Variants in LUZP1 observed in about 807,000 individuals in gnomAD.
LUZP1 encodes the protein leucine zipper protein 1, also known as filamin mechanobinding actin cross-linking protein.
Under a neutral mutation model 71.3 loss-of-function variants are expected in LUZP1, and 25 were observed. That is an observed-to-expected ratio of 0.35 (90% CI 0.26 to 0.49). The LOEUF (loss-of-function observed/expected upper bound fraction) is 0.49, where lower values mean the gene tolerates loss of function less well. Among genes scored for constraint, LUZP1 ranks in the 20% least tolerant of loss-of-function variants. The pLI is 0.99. For missense variants in LUZP1, 1,142 were observed against 1,300.8 expected (o/e 0.88, Z 1.88); for synonymous variants, 481 against 506.4 (o/e 0.95, Z 0.67).
chr1:23,143,058 G>A (rs1236537791), intron 2 of LUZP1, among the ~76,000 whole-genome samples: 3 of 151,764 alleles, frequency 2.0e-5, no homozygotes, highest in African/African-American at 4.8e-5. Context: ...GTCCGGGGTG[G>A]AGTGCAGTGG....
intron 2 of LUZP1, among the ~76,000 whole-genome samples, chr1:23,143,072 G>A (rs1225225160): frequency 6.6e-6 from 1 of 151,828 alleles, no homozygotes; most frequent in Non-Finnish European, 1.5e-5. Flanking sequence ...GCAGTGGCAT[G>A]ATCTCCACTC....
At chr1:23,092,128 C>T (rs1470155704) in exon 4 of LUZP1, 4 of 1,614,048 alleles carry the variant, frequency 2.5e-6, no homozygotes, top group Non-Finnish European at 2.5e-6. Flanking sequence ...TTCTCCATTC[C>T]AGCATCTTTA....
exon 4 of LUZP1, chr1:23,092,766 C>T: frequency 6.2e-7 from 1 of 1,613,996 alleles, no homozygotes; most frequent in South Asian, 1.1e-5. Context: ...TCCCTTCAGT[C>T]CGCTCTCGGT....
At chr1:23,112,020 G>A (rs942302608) in intron 2 of LUZP1, among the ~76,000 whole-genome samples, 1 of 152,180 alleles carries the variant, frequency 6.6e-6, no homozygotes, top group South Asian at 2.1e-4. Flanking sequence ...AGGCCCAGGG[G>A]CTTTTCTCTT....
rs1332098246 is a variant in LUZP1 at position 23,094,326 on chromosome 1, T to C, written c.-65A>G. 2 of 1,512,156 alleles carry C rather than the reference T, an allele frequency of 1.3e-6. No individual in the cohort carries two copies. The highest frequency in any genetic ancestry group is 1.8e-6 in the Non-Finnish European group (2 of 1,134,180). The allele number at this position is 1,512,156 out of a possible 1,614,324, so 93.7% of individuals were successfully genotyped here. ...TTCCACTCAAGGGGATGAGAAATGG[T>C]TACCTTTCTCTTGGCAACCACAATC... On this transcript the variant is annotated 5_prime_UTR_variant, in exon 4 of 5. An upstream open reading frame in the 5' UTR loses its in-frame stop. Transcript: ENST00000302291. This position sits in a 1 kb window ranked among gnomAD's most constrained non-coding sequence, Gnocchi z 4.7.
intron 2 of LUZP1, among the ~76,000 whole-genome samples, chr1:23,159,425 G>C (rs998247782): frequency 1.3e-5 from 2 of 152,098 alleles, no homozygotes; most frequent in Non-Finnish European, 2.9e-5. Flanking sequence ...TCACTAACTG[G>C]CATTCTTTTA....
Position 23,110,628 on chromosome 1 carries a change from GCACACATACA to G in LUZP1, c.-225-1511_-225-1502del, listed in dbSNP as rs1204818623. Among the ~76,000 whole-genome samples, 66 of 49,026 alleles carry G rather than the reference GCACACATACA, an allele frequency of 1.3e-3. 1 individual carries two copies. Among genetic ancestry groups the G allele is most frequent in the African/African-American group, 2.5e-3 (42 of 16,580 alleles). The allele number at this position is 49,026 out of a possible 152,430, so 32.2% of individuals were successfully genotyped here. On this transcript the variant is annotated intron_variant, in intron 2 of 4. Coordinates refer to ENST00000302291, the Ensembl canonical transcript of LUZP1. ...TGCACCTGCGCGCATGCATGAACGCGCACACATACACACACACACACACACACACACACAC... is the reference window on the plus strand; with the variant it reads ...TGCACCTGCGCGCATGCATGAACGCGCACACACACACACACACACACACAC...
chr1:23,160,019 C>T (rs1644451989), intron 2 of LUZP1, among the ~76,000 whole-genome samples: 1 of 152,152 alleles, frequency 6.6e-6, no homozygotes, highest in Non-Finnish European at 1.5e-5. Flanking sequence ...CCAATTACTA[C>T]ATTACCCTGT....
At chr1:23,174,532 A>G (rs1295115932) in intron 1 of LUZP1, among the ~76,000 whole-genome samples, 1 of 152,210 alleles carries the variant, frequency 6.6e-6, no homozygotes, top group Non-Finnish European at 1.5e-5. Flanking sequence ...ACACTGTCCT[A>G]TGCCCCCTCC....
intron 2 of LUZP1, among the ~76,000 whole-genome samples, chr1:23,114,854 T>G (rs749279926): frequency 2.0e-5 from 3 of 152,230 alleles, no homozygotes; most frequent in African/African-American, 4.8e-5. Flanking sequence ...TTTTACACTT[T>G]CTGGGTCTCA....
chr1:23,161,793 G>C (rs770759357), intron 2 of LUZP1, among the ~76,000 whole-genome samples: 1 of 152,124 alleles, frequency 6.6e-6, no homozygotes, highest in African/African-American at 2.4e-5. Context: ...GGAGGCTGAG[G>C]TGAGTGGATC....
chr1:23,105,162 T>C (rs770482693), intron 3 of LUZP1, among the ~76,000 whole-genome samples: 1 of 152,112 alleles, frequency 6.6e-6, no homozygotes, highest in Admixed American at 6.5e-5. Flanking sequence ...ATTGTAATAG[T>C]CAAGGCAAGA....
intron 2 of LUZP1, among the ~76,000 whole-genome samples, chr1:23,151,512 G>A (rs1328473681): frequency 6.6e-6 from 1 of 152,170 alleles, no homozygotes; most frequent in African/African-American, 2.4e-5. Context: ...TCCAAGGATA[G>A]AGGAGCAGAA....
chr1:23,173,350 C>CTT (rs869169060), intron 1 of LUZP1, among the ~76,000 whole-genome samples: 68 of 80,346 alleles, frequency 8.5e-4, no homozygotes, highest in Non-Finnish European at 9.1e-4. Context: ...TTTGTTTTTT[C>CTT]TTTTTTTTTT....
At chr1:23,168,797 G>A (rs970664409) in exon 2 of LUZP1, 1 of 152,954 alleles carries the variant, frequency 6.5e-6, no homozygotes, top group Non-Finnish European at 1.5e-5. Context: ...TCCCGCCAGC[G>A]AAGGGTTCCG....
intron 2 of LUZP1, among the ~76,000 whole-genome samples, chr1:23,138,259 C>G (rs1348645716): frequency 6.6e-6 from 1 of 152,126 alleles, no homozygotes; most frequent in Non-Finnish European, 1.5e-5. Context: ...CAGGCGTGAG[C>G]CACCGCACCC....
At chr1:23,090,622 T>TG (rs1643837207) in intron 4 of LUZP1, 5 of 554,286 alleles carry the variant, frequency 9.0e-6, no homozygotes, top group East Asian at 5.8e-5. Flanking sequence ...GACAGCTGTC[T>TG]GGGGGGCAAA....
chr1:23,157,429 C>A (rs1040057982), intron 2 of LUZP1, among the ~76,000 whole-genome samples: 1 of 149,148 alleles, frequency 6.7e-6, no homozygotes, highest in African/African-American at 2.5e-5. Context: ...ATAATCCCAG[C>A]ACCTTGGAAG....
At chr1:23,110,251 T>G (rs1247949470) in intron 2 of LUZP1, among the ~76,000 whole-genome samples, 1 of 152,176 alleles carries the variant, frequency 6.6e-6, no homozygotes, top group African/African-American at 2.4e-5. Flanking sequence ...CTTTTCTTTC[T>G]GCAAACTTAC....
Sources: gnomAD v4.1 joint callset for allele counts (sites outside exome capture counted in the v4.1 genomes callset) on GRCh38, gnomAD v4.1.1 for gene constraint, Gnocchi (gnomAD v3.1) non-coding constraint, MANE v1.5 for transcripts, NCBI Gene and HGNC (gene_info 2026-07-23, HGNC 2026-07-21) for gene names.